Variants in CSMD1 observed in about 807,000 individuals in gnomAD.
CSMD1 encodes CUB and sushi domain-containing protein 1.
CSMD1 carries 213 observed loss-of-function variants against 417.5 expected under a neutral mutation model. That is an observed-to-expected ratio of 0.51 (90% confidence interval 0.46 to 0.57). CSMD1 has a LOEUF of 0.57. Among genes scored for constraint, CSMD1 ranks in the 20% least tolerant of loss-of-function variants. CSMD1 has a pLI of 0.00. For missense variants in CSMD1, 6,923 were observed against 4,529.7 expected (o/e 1.53, Z -15.17); for synonymous variants, 2,862 against 1,736.8 (o/e 1.65, Z -16.11).
intron 1 of CSMD1, among the ~76,000 whole-genome samples, chr8:4,882,823 T>C (rs1442457191): frequency 1.3e-5 from 2 of 152,022 alleles, no homozygotes; most frequent in East Asian, 3.9e-4. Flanking sequence ...TGAGGAAAAC[T>C]TTCTACTTTC....
chr8:3,289,943 G>T (rs1241645114), intron 25 of CSMD1, among the ~76,000 whole-genome samples: 1 of 147,326 alleles, frequency 6.8e-6, no homozygotes, highest in Non-Finnish European at 1.5e-5. Flanking sequence ...TTTCTTCTAG[G>T]GTTTTTATAG....
chr8:3,098,369 A>G (rs1190501027), intron 46 of CSMD1, among the ~76,000 whole-genome samples: 1 of 152,204 alleles, frequency 6.6e-6, no homozygotes, highest in East Asian at 1.9e-4. Flanking sequence ...TATTCAAGTA[A>G]CTGCCTTTTG....
intron 10 of CSMD1, among the ~76,000 whole-genome samples, chr8:3,545,948 A>C (rs1282182335): frequency 6.6e-6 from 1 of 152,192 alleles, no homozygotes; most frequent in African/African-American, 2.4e-5. Context: ...CAGTGGGAGA[A>C]ACTGGAAAGG....
At chr8:3,161,429 C>T (rs1425047446) in intron 38 of CSMD1, among the ~76,000 whole-genome samples, 1 of 151,918 alleles carries the variant, frequency 6.6e-6, no homozygotes, top group East Asian at 1.9e-4. Flanking sequence ...CCAGCTTGGC[C>T]AACATGGTGA....
intron 8 of CSMD1, among the ~76,000 whole-genome samples, chr8:3,602,260 T>C (rs80112544): frequency 0.026 from 3,975 of 152,248 alleles, 77 homozygotes; most frequent in Middle Eastern, 0.078. Flanking sequence ...TGTGTTTAAT[T>C]GCACAGTTTA....
At chr8:3,645,929 A>T (rs1563229729) in intron 7 of CSMD1, among the ~76,000 whole-genome samples, 1 of 152,162 alleles carries the variant, frequency 6.6e-6, no homozygotes, top group Non-Finnish European at 1.5e-5. Flanking sequence ...TAACTCTTGA[A>T]TATTCTATTA....
chr8:4,321,583 C>G (rs1426974342), intron 3 of CSMD1, among the ~76,000 whole-genome samples: 1 of 152,096 alleles, frequency 6.6e-6, no homozygotes, highest in African/African-American at 2.4e-5. Context: ...GTGTGAGTAT[C>G]TGGTATATAA....
chr8:4,218,424 T>C (rs1376838380), intron 3 of CSMD1, among the ~76,000 whole-genome samples: 1 of 152,228 alleles, frequency 6.6e-6, no homozygotes, highest in African/African-American at 2.4e-5. Flanking sequence ...TTATATTATA[T>C]ACCTACTTTT....
intron 12 of CSMD1, among the ~76,000 whole-genome samples, chr8:3,444,140 G>C (rs1011307247): frequency 2.0e-5 from 3 of 152,108 alleles, no homozygotes; most frequent in African/African-American, 7.2e-5. Context: ...AAGAAATCAA[G>C]CAGTGATTAA....
chr8:4,442,466 A>C (rs1398673426), intron 2 of CSMD1, among the ~76,000 whole-genome samples: 1 of 152,184 alleles, frequency 6.6e-6, no homozygotes, highest in Non-Finnish European at 1.5e-5. Context: ...TTACATGCTT[A>C]TCTACAAGCA....
chr8:3,292,053 C>T (rs1042379162), intron 25 of CSMD1, among the ~76,000 whole-genome samples: 5 of 152,190 alleles, frequency 3.3e-5, no homozygotes, highest in Middle Eastern at 3.4e-3. Flanking sequence ...TTTCAAAGAA[C>T]ATCTTTATTT....
chr8:3,092,184 C>G (rs1814991114), intron 47 of CSMD1, among the ~76,000 whole-genome samples: 1 of 151,760 alleles, frequency 6.6e-6, no homozygotes, highest in African/African-American at 2.4e-5. Context: ...TTAGATCAAA[C>G]TAGTAATTTG....
chr8:4,915,360 A>C (rs1358150513), intron 1 of CSMD1, among the ~76,000 whole-genome samples: 1 of 152,232 alleles, frequency 6.6e-6, no homozygotes, highest in African/African-American at 2.4e-5. Flanking sequence ...AGTAGATTAC[A>C]TATAGTCTGA....
At chr8:4,282,282 A>C (rs1796827559) in intron 3 of CSMD1, among the ~76,000 whole-genome samples, 1 of 152,186 alleles carries the variant, frequency 6.6e-6, no homozygotes, top group Non-Finnish European at 1.5e-5. Context: ...CATTTTACAG[A>C]TAGAACTGAT....
rs376096771 is a variant in CSMD1 at position 3,029,342 on chromosome 8, C to G, written c.7832G>C (p.Gly2611Ala). 75 of 1,610,126 alleles carry G rather than the reference C, an allele frequency of 4.7e-5. No individual in the cohort carries two copies. Among genetic ancestry groups the G allele is most frequent in the Non-Finnish European group, 5.7e-5 (67 of 1,179,244 alleles). The part of the protein sequence containing the change: ...RCQANGTWNI[G>A]DERPSCRVIS... Reference sequence around the variant, plus strand: ...ACCTCGACAGCTTGGCCTCTCATCTCCTATGTTCCACGTCCCATTGGCCTG... The same window carrying G: ...ACCTCGACAGCTTGGCCTCTCATCTGCTATGTTCCACGTCCCATTGGCCTG... Residue 2611 changes from glycine to alanine, a missense_variant, in exon 51 of 70, where the codon GGA becomes GCA. Coordinates refer to ENST00000635120, the MANE Select transcript of CSMD1 (RefSeq NM_033225.6).
chr8:3,052,271 C>T (rs1214211215), intron 50 of CSMD1, among the ~76,000 whole-genome samples, 191 bp downstream of exon 50: 3 of 152,200 alleles, frequency 2.0e-5, no homozygotes, highest in Non-Finnish European at 4.4e-5. Context: ...TTCAAGAGTG[C>T]ATAGCTCATT....
chr8:3,940,886 T>G (rs903043613), intron 5 of CSMD1, among the ~76,000 whole-genome samples: 5 of 45,832 alleles, frequency 1.1e-4, no homozygotes, highest in African/African-American at 6.0e-4. Flanking sequence ...GCCATCTCCC[T>G]TCTCCCCCCG....
chr8:4,109,527 T>C (rs1801742952), intron 3 of CSMD1, among the ~76,000 whole-genome samples: 1 of 152,158 alleles, frequency 6.6e-6, no homozygotes, highest in Non-Finnish European at 1.5e-5. Flanking sequence ...TTGTCAGTAG[T>C]CACTGAAGTT....
intron 1 of CSMD1, among the ~76,000 whole-genome samples, chr8:4,680,647 T>G (rs1805980164): frequency 6.6e-6 from 1 of 152,136 alleles, no homozygotes; most frequent in Non-Finnish European, 1.5e-5. Flanking sequence ...TGGCATGATC[T>G]TGGCTCACTG....
Sources: gnomAD v4.1 joint callset for allele counts (sites outside exome capture counted in the v4.1 genomes callset) on GRCh38, gnomAD v4.1.1 for gene constraint, MANE v1.5 for transcripts, NCBI Gene and HGNC (gene_info 2026-07-23, HGNC 2026-07-21) for gene names.